SCART1: variants seen among roughly 807,000 people sequenced by gnomAD.
SCART1 encodes the protein scavenger receptor cysteine-rich domain-containing protein SCART1.
In SCART1, 62 loss-of-function variants were observed where a neutral mutation model predicts 36.2. The observed-to-expected ratio is 1.71, with a 90% CI of 1.40 to 2.12. SCART1 has a LOEUF of 2.12. SCART1 is among the 30% of genes most tolerant of loss of function. The pLI is 0.00. For synonymous variants in SCART1, 487 were observed against 238.7 expected (o/e 2.04, Z -9.59); for missense variants, 1,041 against 540.5 (o/e 1.93, Z -9.18).
chr10:133,454,194 T>C lies in SCART1; in HGVS notation c.67+130T>C, dbSNP rs1041423125. On this transcript the variant is annotated intron_variant, in intron 1 of 11. Transcript: ENST00000640237. ...TGGGTCTCACTCAGCCCAGAGTGGG[T>C]GGGACATGCTGGGGCAGGAGGGAGG... The C allele has an allele frequency of 6.4e-5, 42 of 658,330 alleles. No individual in the cohort carries two copies. The African/African-American group carries it at 6.8e-4, about 11-fold the overall frequency. 40.8% of individuals were successfully genotyped at this position (658,330 alleles called of 1,614,324 possible).
At chr10:133,467,058 C>T (rs952498488) in intron 10 of SCART1, 140 bp from the exon 11 acceptor site, 3 of 554,806 alleles carry the variant, frequency 5.4e-6, no homozygotes, top group East Asian at 3.0e-5. Flanking sequence ...GCTATGTTGC[C>T]GTGGTCCCTC....
In SCART1 at chr10:133,455,628, G is replaced by T. The variant is rs149706325; in HGVS notation, c.68-609G>T. Among the ~76,000 whole-genome samples the T allele has an allele frequency of 8.6e-3, 1,303 of 152,114 alleles. 11 individuals are homozygous for T. Among genetic ancestry groups the T allele is most frequent in the African/African-American group, 0.028 (1,149 of 41,460 alleles). ...GCAGAGGCCTGGAGAGGGTGGTTAG[G>T]GGTGCCTCCGTGGCGGGTGGGAGAG... On this transcript the variant is annotated intron_variant, in intron 1 of 11. Transcript: ENST00000640237.
chr10:133,459,372 T>TGGACAGAGGAGTGCAAGGAA (rs1416007206), intron 5 of SCART1, 46 bp downstream of exon 5: 1 of 617,784 alleles, frequency 1.6e-6, no homozygotes, highest in Admixed American at 2.6e-5. Flanking sequence ...GTGAGAGGCA[T>TGGACAGAGGAGTGCAAGGAA]GGACAGAGGA....
In SCART1 at chr10:133,456,293, T is replaced by C. The variant is rs1317701236; in HGVS notation, c.124T>C (p.Leu42=). Residue 42 remains leucine (L), a synonymous_variant, in exon 2 of 12, where the codon TTG becomes CTG. Transcript: ENST00000640237. Reference sequence around the variant, plus strand: ...ACACAGCACGTGCGACGGAGTGGTGTTGGTCCGACACCACGGGGCATGGGG... The same window carrying C: ...ACACAGCACGTGCGACGGAGTGGTGCTGGTCCGACACCACGGGGCATGGGG... 17 of 702,876 alleles carry C rather than the reference T, an allele frequency of 2.4e-5. 1 individual carries two copies. In the South Asian group the frequency reaches 2.5e-4, roughly 10 times the overall value. 43.5% of individuals were successfully genotyped at this position (702,876 alleles called of 1,614,324 possible).
chr10:133,459,237 G>T, exon 5 of SCART1: 1 of 693,774 alleles, frequency 1.4e-6, no homozygotes, highest in South Asian at 1.5e-5. Flanking sequence ...CACTGTGAGG[G>T]GACAGAGTCC....
intron 6 of SCART1, among the ~76,000 whole-genome samples, chr10:133,460,981 C>T (rs1237511548): frequency 6.6e-6 from 1 of 152,146 alleles, no homozygotes; most frequent in Non-Finnish European, 1.5e-5. Flanking sequence ...AGCGATCCAC[C>T]TGCCTCAGCC....
chr10:133,458,604 G>A (rs747272045), exon 4 of SCART1: 14 of 696,714 alleles, frequency 2.0e-5, no homozygotes, highest in South Asian at 1.8e-4. Flanking sequence ...ACTGCCCACG[G>A]GGGCGTGGGA....
chr10:133,464,727 C>A, exon 7 of SCART1: 1 of 697,552 alleles, frequency 1.4e-6, no homozygotes, highest in Non-Finnish European at 2.6e-6. Context: ...CCTTGTCCAT[C>A]ATCTGCAAGC....
chr10:133,464,296 TGC>T (rs1850736890), intron 6 of SCART1: 2 of 36,868 alleles, frequency 5.4e-5, no homozygotes, highest in Non-Finnish European at 2.1e-4. Flanking sequence ...ACCTGGGTGC[TGC>T]AGTGAACCTG....
At chr10:133,464,791 C>G (rs1314561626) in exon 7 of SCART1, 1 of 702,456 alleles carries the variant, frequency 1.4e-6, no homozygotes, top group Non-Finnish European at 2.6e-6. Context: ...GGCCCTTCCC[C>G]TCTGCGGGCA....
At position 133,457,532 on chromosome 10, in the gene SCART1, C is replaced by T. The variant is rs1210376542; in HGVS notation, c.639C>T (p.Arg213=). 46 of 702,428 alleles carry T rather than the reference C, an allele frequency of 6.5e-5. 1 individual carries two copies. The highest frequency in any genetic ancestry group is 8.3e-5 in the Non-Finnish European group (32 of 384,682). 43.5% of individuals were successfully genotyped at this position (702,428 alleles called of 1,614,324 possible). A position where few individuals can be genotyped will look rare whatever the true frequency, so the allele number is the denominator to read the frequency against. The change falls in exon 3 of 12, where the codon CGC becomes CGT. Residue 213 remains arginine (R), a synonymous_variant. Transcript: ENST00000640237. ...GCTGCAGACTGGACAACAACTTCCG[C>T]AGCGGCTGCGACCTGCGGCTGGACG...
downstream of SCART1, chr10:133,469,226 T>G (rs1488858104): frequency 6.6e-6 from 1 of 152,248 alleles, no homozygotes. Flanking sequence ...TTGATGGGGT[T>G]GTTTGCTTTT....
At chr10:133,465,302 T>C in exon 9 of SCART1, 1 of 684,330 alleles carries the variant, frequency 1.5e-6, no homozygotes, top group Non-Finnish European at 2.7e-6. Context: ...TCCGGGCGCG[T>C]GGAGCTCTGG....
At chr10:133,463,441 C>T (rs1850726672) in intron 6 of SCART1, among the ~76,000 whole-genome samples, 1 of 151,472 alleles carries the variant, frequency 6.6e-6, no homozygotes, top group Non-Finnish European at 1.5e-5. Context: ...CTTTGACCTA[C>T]ATCTCCCCAT....
intron 6 of SCART1, among the ~76,000 whole-genome samples, chr10:133,461,773 A>C (rs1337950620): frequency 6.6e-6 from 1 of 152,224 alleles, no homozygotes; most frequent in Non-Finnish European, 1.5e-5. Flanking sequence ...CTCAGTGAGA[A>C]TGACAGGTCA....
chr10:133,459,103 C>T, exon 5 of SCART1: 1 of 702,832 alleles, frequency 1.4e-6, no homozygotes, highest in Non-Finnish European at 2.6e-6. Context: ...CCCTCTGTGC[C>T]ACCCACTGGG....
intron 6 of SCART1, among the ~76,000 whole-genome samples, chr10:133,461,258 ATC>A (rs1289911342): frequency 2.2e-3 from 339 of 151,696 alleles, no homozygotes; most frequent in Middle Eastern, 6.8e-3. Context: ...CGGGCTGCCC[ATC>A]TGACCTGCGG....
At chr10:133,464,071 A>G (rs142836562) in intron 6 of SCART1, among the ~76,000 whole-genome samples, 47 of 152,080 alleles carry the variant, frequency 3.1e-4, no homozygotes, top group Non-Finnish European at 5.9e-4. Flanking sequence ...AACATGTGCT[A>G]TTTAGCTTTC....
chr10:133,467,299 G>C (rs1025845433), exon 11 of SCART1: 37 of 702,940 alleles, frequency 5.3e-5, no homozygotes, highest in Non-Finnish European at 8.6e-5. Flanking sequence ...GGCCGAGGCT[G>C]TGCTCCAAGA....
Sources: allele counts gnomAD v4.1 joint callset (sites outside exome capture counted in the v4.1 genomes callset), GRCh38; gene constraint gnomAD v4.1.1; transcripts MANE v1.5; gene names NCBI Gene and HGNC (gene_info 2026-07-23, HGNC 2026-07-21).